Variants in DNAH14 observed in about 807,000 individuals in gnomAD.
The protein encoded by DNAH14 is axonemal beta dynein heavy chain 14.
Under a neutral mutation model 520.9 loss-of-function variants are expected in DNAH14, and 478 were observed. The ratio of observed to expected loss-of-function variants is 0.92; its 90% confidence interval spans 0.85 to 0.99. The LOEUF (loss-of-function observed/expected upper bound fraction) is 0.99, where lower values mean the gene tolerates loss of function less well. Among genes scored for constraint, DNAH14 ranks in the 50% least tolerant of loss-of-function variants. The pLI is 0.00. For missense variants in DNAH14, 4,831 were observed against 5,234.5 expected (o/e 0.92, Z 2.38); for synonymous variants, 1,581 against 1,757.2 (o/e 0.90, Z 2.51).
At chr1:225,389,706 C>A in intron 82 of DNAH14, 28 bp from the exon 83 acceptor site, 1 of 1,550,944 alleles carries the variant, frequency 6.4e-7, no homozygotes, top group Non-Finnish European at 8.7e-7. Flanking sequence ...TGCCCTTAAC[C>A]CCCAACCTGT....
intron 55 of DNAH14, among the ~76,000 whole-genome samples, chr1:225,298,398 A>G (rs189073754): frequency 6.6e-6 from 1 of 152,304 alleles, no homozygotes; most frequent in East Asian, 1.9e-4. Flanking sequence ...CAAGAAGGGT[A>G]CACAGCAGTT....
At chr1:225,003,077 T>A in intron 9 of DNAH14, 150 bp downstream of exon 9, 1 of 744,176 alleles carries the variant, frequency 1.3e-6, no homozygotes, top group South Asian at 2.7e-5. Context: ...GCAAAGAATG[T>A]GAGTTCCTTG....
rs560224456 is a variant in DNAH14, at chr1:225,258,990, A to T, written c.7025-131A>T. 121 of 942,728 alleles carry T rather than the reference A, an allele frequency of 1.3e-4. 1 individual carries two copies. The African/African-American group carries it at 1.8e-3, about 14-fold the overall frequency. 58.4% of individuals were successfully genotyped at this position (942,728 alleles called of 1,614,324 possible). ...TAACCACTCTTAACCACATTTTTTTAAAAGGGAAGAACAAAAAAACACTTT... is the reference window on the plus strand; with the variant it reads ...TAACCACTCTTAACCACATTTTTTTTAAAGGGAAGAACAAAAAAACACTTT... On this transcript the variant is annotated intron_variant, in intron 45 of 85. Transcript: ENST00000682510.
intron 36 of DNAH14, among the ~76,000 whole-genome samples, chr1:225,181,343 C>G (rs1338860955): frequency 6.6e-6 from 1 of 152,154 alleles, no homozygotes; most frequent in Non-Finnish European, 1.5e-5. Flanking sequence ...GGTACATACC[C>G]TGTAATAGGA....
chr1:225,066,677 G>T (rs2070925486), intron 17 of DNAH14, among the ~76,000 whole-genome samples: 1 of 151,520 alleles, frequency 6.6e-6, no homozygotes, highest in Non-Finnish European at 1.5e-5. Flanking sequence ...GAGTCCCAAA[G>T]TTTATTATAT....
chr1:225,136,507 TC>T (rs1392138016), intron 27 of DNAH14, among the ~76,000 whole-genome samples: 1 of 152,186 alleles, frequency 6.6e-6, no homozygotes, highest in African/African-American at 2.4e-5. Flanking sequence ...TTTCAGGGTT[TC>T]CAATGAGAGG....
chr1:225,328,365 C>T (rs868288510), intron 64 of DNAH14, among the ~76,000 whole-genome samples: 5 of 152,286 alleles, frequency 3.3e-5, no homozygotes, highest in Middle Eastern at 6.8e-3. Flanking sequence ...GCTGTACATT[C>T]CAGCCAGAGC....
chr1:225,186,550 G>T (rs1412773141), intron 37 of DNAH14, among the ~76,000 whole-genome samples: 1 of 151,580 alleles, frequency 6.6e-6, no homozygotes, highest in Non-Finnish European at 1.5e-5. Flanking sequence ...GAGAAATTTG[G>T]AAAATAAAAT....
chr1:225,308,536 T>A (rs746755902), intron 60 of DNAH14, 126 bp downstream of exon 60: 3 of 966,034 alleles, frequency 3.1e-6, no homozygotes, highest in South Asian at 1.9e-5. Flanking sequence ...TTACTTTTCA[T>A]TGTAATTCCA....
At chr1:225,043,716 TTC>T (rs2067688476) in intron 13 of DNAH14, 26 bp from the exon 14 acceptor site, 1 of 1,410,528 alleles carries the variant, frequency 7.1e-7, no homozygotes, top group Non-Finnish European at 9.7e-7. Flanking sequence ...ATTTTGTATT[TTC>T]TCTTTCTTTC....
intron 38 of DNAH14, among the ~76,000 whole-genome samples, chr1:225,193,517 C>CTTAA (rs1333402077): frequency 6.6e-6 from 1 of 152,004 alleles, no homozygotes; most frequent in Non-Finnish European, 1.5e-5. Flanking sequence ...TCACAAGACT[C>CTTAA]TATCTCAAAG....
chr1:225,385,902 A>G (rs972708647), intron 81 of DNAH14, among the ~76,000 whole-genome samples: 1 of 152,214 alleles, frequency 6.6e-6, no homozygotes, highest in African/African-American at 2.4e-5. Flanking sequence ...ATGGAACCAA[A>G]AAAGAGCCCA....
At chr1:225,250,671 G>T (rs1394502218) in intron 43 of DNAH14, 1 of 563,720 alleles carries the variant, frequency 1.8e-6, no homozygotes, top group Non-Finnish European at 3.3e-6. Flanking sequence ...AAGCACTGGG[G>T]TCAGTCACAG....
intron 34 of DNAH14, among the ~76,000 whole-genome samples, chr1:225,158,530 C>T (rs971580634): frequency 2.0e-5 from 3 of 152,148 alleles, no homozygotes; most frequent in South Asian, 2.1e-4. Flanking sequence ...CGAGTGGACT[C>T]GTCGCTTGTC....
chr1:225,076,777 A>G (rs2072329507), intron 17 of DNAH14, among the ~76,000 whole-genome samples: 1 of 151,878 alleles, frequency 6.6e-6, no homozygotes, highest in African/African-American at 2.4e-5. Flanking sequence ...TTCCCTTTGT[A>G]AGGTTAAATA....
intron 20 of DNAH14, among the ~76,000 whole-genome samples, chr1:225,084,856 T>C (rs1046073860): frequency 2.2e-5 from 1 of 44,490 alleles, no homozygotes; most frequent in Non-Finnish European, 1.0e-4. Context: ...ATTGAATTTT[T>C]AGCAATCTCA....
At chr1:225,038,614 TG>T (rs1305388480) in intron 11 of DNAH14, 79 bp from the exon 12 acceptor site, 3 of 1,378,142 alleles carry the variant, frequency 2.2e-6, no homozygotes, top group African/African-American at 3.0e-5. Context: ...TGCTTTTTGT[TG>T]TTGAGTTGTA....
intron 17 of DNAH14, among the ~76,000 whole-genome samples, chr1:225,076,200 G>T (rs1263239624): frequency 1.3e-5 from 2 of 152,204 alleles, no homozygotes; most frequent in Non-Finnish European, 2.9e-5. Flanking sequence ...TGGTAGTGGG[G>T]AGAACCAGAG....
chr1:225,364,706 C>T, intron 75 of DNAH14, 86 bp from the exon 76 acceptor site: 1 of 988,984 alleles, frequency 1.0e-6, no homozygotes, highest in Non-Finnish European at 1.5e-6. Flanking sequence ...CGTAAGGCCA[C>T]TTCAAACAGT....
Sources: gnomAD v4.1 joint callset for allele counts (sites outside exome capture counted in the v4.1 genomes callset) on GRCh38, gnomAD v4.1.1 for gene constraint, MANE v1.5 for transcripts, NCBI Gene and HGNC (gene_info 2026-07-23, HGNC 2026-07-21) for gene names.